Variants in SRFBP1 observed in about 807,000 individuals in gnomAD.
SRFBP1 encodes serum response factor-binding protein 1.
Under a neutral mutation model 45.5 loss-of-function variants are expected in SRFBP1, and 47 were observed. The ratio of observed to expected loss-of-function variants is 1.03; its 90% CI spans 0.82 to 1.32. SRFBP1 has a LOEUF of 1.32. Among genes scored for constraint, SRFBP1 ranks in the 40% most tolerant of loss-of-function variants. The probability of loss-of-function intolerance (pLI) is 0.00; values close to 1 mark genes in which losing one functional copy is unlikely to be tolerated. For missense variants in SRFBP1, 621 were observed against 484.6 expected, an observed-to-expected ratio of 1.28 and a Z score of -2.64; for synonymous variants, 203 against 166.3, an observed-to-expected ratio of 1.22 and a Z score of -1.70.
intron 5 of SRFBP1, among the ~76,000 whole-genome samples, 198 bp from the exon 6 acceptor site, chr5:122,019,890 A>G (rs540404962): frequency 2.8e-4 from 42 of 152,284 alleles, no homozygotes; most frequent in Admixed American, 1.4e-3. Flanking sequence ...TAAAATGAAT[A>G]CGTCTGAGCA....
chr5:122,048,813 A>T (rs753038894), intron 2 of SRFBP1, among the ~76,000 whole-genome samples: 1 of 151,882 alleles, frequency 6.6e-6, no homozygotes, highest in Non-Finnish European at 1.5e-5. Context: ...TTTCTTCTAG[A>T]TTTTCTAGTT....
chr5:121,977,684 G>A (rs765195635), intron 3 of SRFBP1, among the ~76,000 whole-genome samples: 14 of 152,026 alleles, frequency 9.2e-5, no homozygotes, highest in Non-Finnish European at 1.9e-4. Context: ...CTCAGACACT[G>A]CTTCATTTTT....
intron 3 of SRFBP1, among the ~76,000 whole-genome samples, chr5:121,977,718 T>C (rs981134454): frequency 2.0e-5 from 3 of 152,168 alleles, no homozygotes; most frequent in African/African-American, 7.2e-5. Context: ...TGACATACTA[T>C]CCTATTCTTG....
chr5:121,976,693 G>GATTTT (rs1251874705), intron 3 of SRFBP1, among the ~76,000 whole-genome samples: 4 of 150,700 alleles, frequency 2.7e-5, no homozygotes, highest in Non-Finnish European at 3.0e-5. Context: ...TATAATTGCT[G>GATTTT]ATTTTATTTT....
intron 4 of SRFBP1, among the ~76,000 whole-genome samples, chr5:122,008,309 C>T (rs1034286969): frequency 6.6e-6 from 1 of 151,980 alleles, no homozygotes; most frequent in South Asian, 2.1e-4. Flanking sequence ...CCTGGGACTG[C>T]GGCATTCAAC....
At chr5:121,991,040 G>T (rs909614014) in intron 3 of SRFBP1, among the ~76,000 whole-genome samples, 15 of 152,158 alleles carry the variant, frequency 9.9e-5, no homozygotes, top group Admixed American at 5.2e-4. Flanking sequence ...AATGAAGAGA[G>T]TTGATGTATT....
At chr5:122,014,142 A>T (rs185564985) in intron 4 of SRFBP1, among the ~76,000 whole-genome samples, 1 of 152,186 alleles carries the variant, frequency 6.6e-6, no homozygotes, top group Non-Finnish European at 1.5e-5. Flanking sequence ...TTTGTACTCT[A>T]TAAGTGTCTA....
chr5:122,047,333 G>A (rs973787401), intron 2 of SRFBP1, among the ~76,000 whole-genome samples: 1 of 152,112 alleles, frequency 6.6e-6, no homozygotes, highest in Non-Finnish European at 1.5e-5. Flanking sequence ...TTTTTGTCAG[G>A]TTTGTCAAAC....
intron 5 of SRFBP1, 28 bp downstream of exon 5, chr5:122,019,369 G>A (rs1753254576): frequency 6.5e-7 from 1 of 1,547,484 alleles, no homozygotes; most frequent in East Asian, 2.3e-5. Context: ...TTTAAGCCAT[G>A]TACTTAATGT....
chr5:121,971,048 G>A (rs1460108233), intron 1 of SRFBP1, among the ~76,000 whole-genome samples: 1 of 152,046 alleles, frequency 6.6e-6, no homozygotes, highest in Non-Finnish European at 1.5e-5. Flanking sequence ...GGAAATGGTA[G>A]GTGTAAAGGC....
chr5:122,016,828 G>A (rs1187818190), intron 4 of SRFBP1, among the ~76,000 whole-genome samples: 3 of 151,984 alleles, frequency 2.0e-5, no homozygotes, highest in East Asian at 3.9e-4. Flanking sequence ...ATGAGTAGAC[G>A]ACATTTCTTG....
intron 3 of SRFBP1, among the ~76,000 whole-genome samples, chr5:121,990,355 C>G (rs1468061671): frequency 1.3e-5 from 2 of 152,146 alleles, no homozygotes; most frequent in African/African-American, 4.8e-5. Context: ...CTCATTTTCA[C>G]TTACAAGTAG....
chr5:122,002,533 G>T (rs769494844), intron 4 of SRFBP1, among the ~76,000 whole-genome samples: 1 of 152,154 alleles, frequency 6.6e-6, no homozygotes, highest in African/African-American at 2.4e-5. Context: ...TATTGTGAAA[G>T]GATGTTTGGA....
At chr5:122,077,047 C>A, downstream of SRFBP1, 1 of 1,603,616 alleles carries the variant, frequency 6.2e-7, no homozygotes. The surrounding 1 kb of genome is among the most constrained non-coding windows in gnomAD (Gnocchi z 4.9). Flanking sequence ...CAACCCGGCG[C>A]CCCCCGCTCC....
chr5:122,057,523 C>T (rs551834315), intron 2 of SRFBP1, among the ~76,000 whole-genome samples: 5 of 150,990 alleles, frequency 3.3e-5, no homozygotes, highest in African/African-American at 7.3e-5. Flanking sequence ...ATGAGGGTCT[C>T]GCTATTTTGC....
chr5:121,974,835 ATACT>A (rs1451117472), intron 2 of SRFBP1, among the ~76,000 whole-genome samples: 3 of 151,922 alleles, frequency 2.0e-5, no homozygotes, highest in African/African-American at 7.2e-5. Context: ...GTAAGCATGA[ATACT>A]TAGTCTTCAA....
chr5:121,975,910 C>T (rs1332518600), intron 3 of SRFBP1, among the ~76,000 whole-genome samples: 1 of 151,606 alleles, frequency 6.6e-6, no homozygotes, highest in Non-Finnish European at 1.5e-5. Context: ...TCTTCACTAG[C>T]ATAATTTTTA....
downstream of SRFBP1, among the ~76,000 whole-genome samples, chr5:122,076,713 T>C (rs2152590816): frequency 7.8e-6 from 1 of 128,510 alleles, no homozygotes; most frequent in South Asian, 2.6e-4. Flanking sequence ...CCCACAGAAA[T>C]CTTCAAAAAT....
rs539348434 is a variant in SRFBP1 at position 122,024,959 on chromosome 5, T to G, written c.1106-1983T>G. On this transcript the variant is annotated intron_variant, in intron 7 of 7. Coordinates refer to ENST00000339397, the MANE Select transcript of SRFBP1 (RefSeq NM_152546.3). The stretch of plus-strand genomic sequence containing the variant: ...TTTTGTTTTGTTTTGTTTTGTTTTT[T>G]TTATTTTTATTATTATTACACTTTA... Among the ~76,000 whole-genome samples, 59 of 152,338 alleles carry G rather than the reference T, an allele frequency of 3.9e-4. 2 individuals carry two copies. In the South Asian group the frequency reaches 0.012, roughly 30 times the overall value.
Sources: gnomAD v4.1 joint callset for allele counts (sites outside exome capture counted in the v4.1 genomes callset) on GRCh38, gnomAD v4.1.1 for gene constraint, Gnocchi (gnomAD v3.1) non-coding constraint, MANE v1.5 for transcripts, NCBI Gene and HGNC (gene_info 2026-07-23, HGNC 2026-07-21) for gene names.